The following DYSF variants were observed in gnomAD, a reference collection of about 807,000 sequenced individuals.
The protein encoded by DYSF is dysferlin.
A neutral mutation model predicts 274.9 loss-of-function variants in DYSF; 212 were observed. That is an observed-to-expected ratio of 0.77 (90% CI 0.69 to 0.86). The LOEUF (loss-of-function observed/expected upper bound fraction) is 0.86, where lower values mean the gene tolerates loss of function less well. Among genes scored for constraint, DYSF ranks in the 40% least tolerant of loss-of-function variants. The pLI, the probability that DYSF is intolerant of heterozygous loss-of-function variation, is 0.00. For synonymous variants in DYSF, 1,091 were observed against 1,078.7 expected (o/e 1.01, Z -0.22); for missense variants, 2,666 against 2,783.2 (o/e 0.96, Z 0.95).
At chr2:71,571,308 A>C (rs1379750754) in intron 29 of DYSF, among the ~76,000 whole-genome samples, 1 of 149,944 alleles carries the variant, frequency 6.7e-6, no homozygotes, top group Non-Finnish European at 1.5e-5. Context: ...CACAGATTAC[A>C]CCTAGCACAC....
chr2:71,484,970 C>A (rs953747860), intron 3 of DYSF, among the ~76,000 whole-genome samples: 2 of 152,188 alleles, frequency 1.3e-5, no homozygotes, highest in African/African-American at 4.8e-5. Context: ...TCCCTAAAAA[C>A]CAGTGCCCCA....
intron 2 of DYSF, among the ~76,000 whole-genome samples, chr2:71,481,208 G>A (rs1266929929): frequency 6.6e-6 from 1 of 152,172 alleles, no homozygotes; most frequent in Admixed American, 6.5e-5. Flanking sequence ...GGGTGCTCAG[G>A]GACTCTCTTG....
intron 51 of DYSF, among the ~76,000 whole-genome samples, chr2:71,671,297 T>C (rs1448088097): frequency 6.6e-6 from 1 of 152,218 alleles, no homozygotes; most frequent in Admixed American, 6.5e-5. Context: ...GTTTGCAGGT[T>C]GAGCCTCATT....
At chr2:71,570,893 C>A (rs2092380591) in intron 29 of DYSF, 152 bp downstream of exon 29, 1 of 1,107,574 alleles carries the variant, frequency 9.0e-7, no homozygotes, top group African/African-American at 1.6e-5. Flanking sequence ...CAGATCACAC[C>A]CAGCATACCC....
intron 30 of DYSF, among the ~76,000 whole-genome samples, chr2:71,585,194 G>A (rs747539540): frequency 6.6e-6 from 1 of 152,220 alleles, no homozygotes. Context: ...ATCCTACGAC[G>A]CACAGGACAG....
rs2093752355 is a variant in DYSF, at chr2:71,611,228, C to T, written c.3958-17C>T. The T allele has an allele frequency of 6.3e-7, 1 of 1,583,834 alleles. No homozygotes were observed. Among genetic ancestry groups the T allele is most frequent in the Non-Finnish European group, 8.7e-7 (1 of 1,152,574 alleles). On this transcript the variant is annotated splice_polypyrimidine_tract_variant and intron_variant, in intron 36 of 55. Transcript: ENST00000410020. ...TCCTTCCACCTTTGTCTCCATTCTA[C>T]CTGCTGTCCACTGCAGTCTGAGGAC...
intron 52 of DYSF, among the ~76,000 whole-genome samples, chr2:71,677,508 A>G (rs1403152378): frequency 2.0e-5 from 3 of 152,190 alleles, no homozygotes; most frequent in Non-Finnish European, 4.4e-5. Context: ...ATATGGTTCA[A>G]CCTAATAGCT....
At chr2:71,572,545 G>A (rs1292221237) in intron 29 of DYSF, among the ~76,000 whole-genome samples, 1 of 152,262 alleles carries the variant, frequency 6.6e-6, no homozygotes, top group East Asian at 1.9e-4. Context: ...TTGGGGCAGT[G>A]CCCTCGGGAG....
chr2:71,625,715 T>C (rs1208134541), intron 41 of DYSF, among the ~76,000 whole-genome samples: 3 of 152,176 alleles, frequency 2.0e-5, no homozygotes, highest in African/African-American at 7.2e-5. Flanking sequence ...GACAGAGTTA[T>C]AGTGAATTGC....
chr2:71,494,621 G>A (rs1299324118), intron 3 of DYSF, among the ~76,000 whole-genome samples: 2 of 152,154 alleles, frequency 1.3e-5, no homozygotes, highest in Non-Finnish European at 2.9e-5. Context: ...AGTGGTGCTG[G>A]CATAACCCCA....
rs183014577 is a variant in DYSF at position 71,585,621 on chromosome 2, G to A, written c.3403-3972G>A. On this transcript the variant is annotated intron_variant, in intron 30 of 55. Coordinates refer to ENST00000410020, the MANE Select transcript of DYSF (RefSeq NM_001130987.2). ...GGCATGACATTGGCGGATCCCCACC[G>A]GGCCGGCCTGTGTCATCTGCCCTCC... 5.8e-3 allele frequency among the ~76,000 whole-genome samples: 887 copies of A among 152,228 alleles called. 4 individuals are homozygous for A. Among genetic ancestry groups the A allele is most frequent in the Admixed American group, 0.011 (164 of 15,304 alleles).
chr2:71,638,656 A>G (rs750224567), intron 41 of DYSF, among the ~76,000 whole-genome samples: 8 of 152,238 alleles, frequency 5.3e-5, no homozygotes, highest in Admixed American at 1.3e-4. Context: ...AACATGTATC[A>G]GTTCTTCATT....
intron 24 of DYSF, 144 bp downstream of exon 24, chr2:71,564,357 A>G: frequency 8.3e-7 from 1 of 1,211,514 alleles, no homozygotes; most frequent in Non-Finnish European, 1.2e-6. Context: ...TTTGGGTAAA[A>G]CAATTTCCCT....
chr2:71,664,529 T>C, intron 46 of DYSF, 91 bp downstream of exon 46: 3 of 1,522,828 alleles, frequency 2.0e-6, no homozygotes, highest in Non-Finnish European at 2.7e-6. Flanking sequence ...ACTTACTGTG[T>C]GCCAGCCCTG....
intron 45 of DYSF, 88 bp from the exon 46 acceptor site, chr2:71,664,180 C>T: frequency 6.4e-7 from 1 of 1,562,440 alleles, no homozygotes; most frequent in South Asian, 1.1e-5. Flanking sequence ...AAGAAGACTC[C>T]CTGGGGTAGT....
intron 42 of DYSF, among the ~76,000 whole-genome samples, chr2:71,653,683 A>G (rs1004181627): frequency 9.2e-5 from 11 of 119,336 alleles, no homozygotes; most frequent in Non-Finnish European, 1.6e-4. Flanking sequence ...GGGGGGAGGG[A>G]TAGCATTAGG....
intron 40 of DYSF, among the ~76,000 whole-genome samples, chr2:71,617,857 T>G (rs1287530348): frequency 7.5e-5 from 2 of 26,528 alleles, no homozygotes; most frequent in Non-Finnish European, 1.9e-4. Context: ...AGAGATGGGG[T>G]GTGTGTGTGT....
At chr2:71,650,442 C>G (rs1319575279) in intron 42 of DYSF, among the ~76,000 whole-genome samples, 3 of 152,076 alleles carry the variant, frequency 2.0e-5, no homozygotes, top group Non-Finnish European at 4.4e-5. Flanking sequence ...GATGGTGCCA[C>G]TGCACTCCAG....
chr2:71,658,445 C>G (rs555956975), intron 43 of DYSF, among the ~76,000 whole-genome samples: 5 of 152,204 alleles, frequency 3.3e-5, no homozygotes, highest in Non-Finnish European at 7.3e-5. Flanking sequence ...TTTTGGGTAT[C>G]TTTTCATCAA....
Sources: gnomAD v4.1 joint callset for allele counts (sites outside exome capture counted in the v4.1 genomes callset) on GRCh38, gnomAD v4.1.1 for gene constraint, MANE v1.5 for transcripts, NCBI Gene and HGNC (gene_info 2026-07-23, HGNC 2026-07-21) for gene names.